The following DTHD1 variants were observed in gnomAD, a reference collection of about 807,000 sequenced individuals.
DTHD1 encodes the protein death domain containing 1.
In DTHD1, 59 loss-of-function variants were observed where a neutral mutation model predicts 74.8. The ratio of observed to expected loss-of-function variants is 0.79; its 90% confidence interval spans 0.64 to 0.98. DTHD1 has a LOEUF of 0.98. Among genes scored for constraint, DTHD1 ranks in the 50% least tolerant of loss-of-function variants. The pLI is 0.00. For synonymous variants in DTHD1, 365 were observed against 371.1 expected (o/e 0.98, Z 0.19); for missense variants, 1,051 against 1,065.4 (o/e 0.99, Z 0.19).
At chr4:36,298,172 G>GCT (rs1756555451) in intron 5 of DTHD1, among the ~76,000 whole-genome samples, 1 of 151,856 alleles carries the variant, frequency 6.6e-6, no homozygotes, top group Non-Finnish European at 1.5e-5. Flanking sequence ...GATATCCTAA[G>GCT]CTCTCTAGGA....
chr4:36,342,153 C>A (rs962625657), intron 9 of DTHD1, among the ~76,000 whole-genome samples: 1 of 152,138 alleles, frequency 6.6e-6, no homozygotes, highest in East Asian at 1.9e-4. Context: ...TTGCTGATGA[C>A]GTGGATGGGA....
At chr4:36,325,259 A>C (rs1448014870) in intron 8 of DTHD1, among the ~76,000 whole-genome samples, 2 of 152,234 alleles carry the variant, frequency 1.3e-5, no homozygotes, top group South Asian at 4.1e-4. Context: ...TTAGTTTTTG[A>C]GTAAACAACA....
intron 8 of DTHD1, among the ~76,000 whole-genome samples, chr4:36,322,030 A>C (rs1257190801): frequency 6.9e-6 from 1 of 145,598 alleles, no homozygotes; most frequent in East Asian, 2.0e-4. Flanking sequence ...CTGAAACTTC[A>C]CCTTCTCTCT....
intron 8 of DTHD1, among the ~76,000 whole-genome samples, chr4:36,328,232 C>T (rs967142482): frequency 6.6e-6 from 1 of 152,192 alleles, no homozygotes; most frequent in African/African-American, 2.4e-5. Context: ...GCACTTCTTG[C>T]TCTAAACTCT....
At chr4:36,341,899 A>G (rs914072663) in intron 9 of DTHD1, among the ~76,000 whole-genome samples, 3 of 152,232 alleles carry the variant, frequency 2.0e-5, no homozygotes, top group African/African-American at 7.2e-5. Flanking sequence ...CATATTGAGC[A>G]GAAGCAAAGG....
At chr4:36,342,890 A>G (rs1315149296) in intron 9 of DTHD1, among the ~76,000 whole-genome samples, 2 of 147,178 alleles carry the variant, frequency 1.4e-5, no homozygotes, top group African/African-American at 5.1e-5. Context: ...CTTGGCCAAC[A>G]GATGAAACCC....
chr4:36,327,445 A>G (rs952607698), intron 8 of DTHD1, among the ~76,000 whole-genome samples: 1 of 152,202 alleles, frequency 6.6e-6, no homozygotes, highest in African/African-American at 2.4e-5. Context: ...GCAATGCTGT[A>G]TATCTTTCTT....
intron 9 of DTHD1, 26 bp from the exon 10 acceptor site, chr4:36,343,476 G>GT: frequency 6.5e-7 from 1 of 1,542,608 alleles, no homozygotes. Flanking sequence ...GGTCCTAACC[G>GT]TGAGTGTTCC....
intron 1 of DTHD1, among the ~76,000 whole-genome samples, chr4:36,282,719 G>A (rs1755469552): frequency 6.6e-6 from 1 of 152,148 alleles, no homozygotes; most frequent in Non-Finnish European, 1.5e-5. Flanking sequence ...AAATAATACA[G>A]TATCAAGATA....
chr4:36,330,293 T>C (rs1758590087), intron 8 of DTHD1, among the ~76,000 whole-genome samples: 1 of 152,176 alleles, frequency 6.6e-6, no homozygotes, highest in Non-Finnish European at 1.5e-5. Context: ...AGTGACTGAG[T>C]GGAAAGTTCC....
At chr4:36,325,883 T>A (rs896810893) in intron 8 of DTHD1, among the ~76,000 whole-genome samples, 3 of 152,188 alleles carry the variant, frequency 2.0e-5, no homozygotes, top group African/African-American at 7.2e-5. Flanking sequence ...CTAGTTCCCT[T>A]ATCTGCTTTA....
At chr4:36,327,222 C>A (rs1436104014) in intron 8 of DTHD1, among the ~76,000 whole-genome samples, 2 of 152,152 alleles carry the variant, frequency 1.3e-5, no homozygotes, top group Non-Finnish European at 2.9e-5. Flanking sequence ...CTGCCTTGGC[C>A]TCCCAAAATG....
chr4:36,336,993 C>T (rs917129435), intron 8 of DTHD1, among the ~76,000 whole-genome samples: 5 of 152,002 alleles, frequency 3.3e-5, no homozygotes, highest in African/African-American at 1.2e-4. Context: ...GCTGTTTCTG[C>T]TAAGGAAGGC....
intron 8 of DTHD1, 124 bp downstream of exon 8, chr4:36,316,610 AG>A: frequency 1.0e-6 from 1 of 1,003,186 alleles, no homozygotes; most frequent in Non-Finnish European, 1.4e-6. Context: ...GAGGTAATAA[AG>A]AAGGAGTAGG....
chr4:36,316,575 A>G, intron 8 of DTHD1, 89 bp downstream of exon 8: 8 of 1,309,864 alleles, frequency 6.1e-6, no homozygotes, highest in Non-Finnish European at 8.2e-6. Flanking sequence ...AGAGACACAT[A>G]CAGTTAAAAG....
chr4:36,327,707 CA>C (rs1428122066), intron 8 of DTHD1, among the ~76,000 whole-genome samples: 1 of 152,226 alleles, frequency 6.6e-6, no homozygotes, highest in African/African-American at 2.4e-5. Flanking sequence ...AAGATAGAGA[CA>C]TGCATTTAGA....
intron 7 of DTHD1, chr4:36,311,580 T>C (rs1400888995): frequency 6.6e-6 from 1 of 152,180 alleles, no homozygotes; most frequent in Admixed American, 6.5e-5. Context: ...TATTTTATTT[T>C]TTAATAGTTC....
At chr4:36,288,990 A>C (rs917310699) in intron 2 of DTHD1, among the ~76,000 whole-genome samples, 3 of 152,214 alleles carry the variant, frequency 2.0e-5, no homozygotes, top group African/African-American at 7.2e-5. Flanking sequence ...TATTCCTTCT[A>C]ACTATGAGTT....
intron 9 of DTHD1, among the ~76,000 whole-genome samples, chr4:36,342,918 C>CAAAAAAAAAAAAAAA (rs55956868): frequency 4.1e-5 from 4 of 96,980 alleles, no homozygotes; most frequent in East Asian, 3.0e-4. Flanking sequence ...ACTAAAAATA[C>CAAAAAAAAAAAAAAA]AAAAAAAAAA....
Sources: allele counts gnomAD v4.1 joint callset (sites outside exome capture counted in the v4.1 genomes callset), GRCh38; gene constraint gnomAD v4.1.1; transcripts MANE v1.5; gene names NCBI Gene and HGNC (gene_info 2026-07-23, HGNC 2026-07-21).